TIMMDC1: variants seen among roughly 807,000 people sequenced by gnomAD.
TIMMDC1 encodes complex I assembly factor TIMMDC1, mitochondrial.
A neutral mutation model predicts 32.6 loss-of-function variants in TIMMDC1; 25 were observed. The observed-to-expected ratio is 0.77, with a 90% CI of 0.56 to 1.07. The LOEUF is 1.07. Among genes scored for constraint, TIMMDC1 ranks in the 50% least tolerant of loss-of-function variants. The pLI is 0.00. For synonymous variants in TIMMDC1, 130 were observed against 127.6 expected (o/e 1.02, Z -0.13); for missense variants, 329 against 349.2 (o/e 0.94, Z 0.46).
At chr3:119,522,050 C>CTG (rs1306280203) in intron 6 of TIMMDC1, among the ~76,000 whole-genome samples, 98 of 152,224 alleles carry the variant, frequency 6.4e-4, no homozygotes, top group Admixed American at 6.4e-3. Context: ...GCAATCTTCC[C>CTG]TACTAGGTAT....
chr3:119,501,384 G>C (rs1055608986), intron 2 of TIMMDC1, among the ~76,000 whole-genome samples: 2 of 152,006 alleles, frequency 1.3e-5, no homozygotes, highest in Non-Finnish European at 2.9e-5. Flanking sequence ...CCTTTCATCC[G>C]GATTCTCCAT....
chr3:119,514,607 AGTT>A, intron 5 of TIMMDC1, among the ~76,000 whole-genome samples: 1 of 152,350 alleles, frequency 6.6e-6, no homozygotes, highest in Non-Finnish European at 1.5e-5. Flanking sequence ...ACATAGGTGA[AGTT>A]GTATCCTCAT....
intron 3 of TIMMDC1, 38 bp downstream of exon 3, chr3:119,503,658 TG>T (rs1184516590): frequency 4.0e-6 from 6 of 1,516,086 alleles, no homozygotes; most frequent in Middle Eastern, 1.8e-4. Context: ...TGAATTTTCT[TG>T]ATATTGTTTT....
intron 5 of TIMMDC1, among the ~76,000 whole-genome samples, chr3:119,514,881 G>C (rs2081975191): frequency 1.3e-5 from 2 of 152,084 alleles, no homozygotes; most frequent in Admixed American, 1.3e-4. Flanking sequence ...AGCTCATTCA[G>C]GTTGTTGACA....
intron 1 of TIMMDC1, among the ~76,000 whole-genome samples, chr3:119,499,983 G>C (rs1553778780): frequency 6.6e-6 from 1 of 152,094 alleles, no homozygotes; most frequent in Non-Finnish European, 1.5e-5. Flanking sequence ...TTGCTATGTT[G>C]CTATGCTGGA....
intron 3 of TIMMDC1, 49 bp from the exon 4 acceptor site, chr3:119,503,905 T>G (rs1397301963): frequency 6.8e-7 from 1 of 1,475,606 alleles, no homozygotes; most frequent in Non-Finnish European, 9.4e-7. Context: ...AGAAGGTAAA[T>G]GGGATATGCT....
At position 119,498,931 on chromosome 3, in the gene TIMMDC1, A is replaced by G; in HGVS notation, c.194+4A>G. The stretch of plus-strand genomic sequence containing the variant: ...TCCGGGAGCTGTTTGGCAAAGAGTA[A>G]AAGTGCCTAGGGTGTGAAGTGGGGT... On this transcript the variant is annotated splice_donor_region_variant and intron_variant, in intron 1 of 6. Transcript: ENST00000494664. 2 of 1,613,952 alleles carry G rather than the reference A, an allele frequency of 1.2e-6. No individual in the cohort carries two copies. Among genetic ancestry groups the G allele is most frequent in the East Asian group, 2.2e-5 (1 of 44,866 alleles).
chr3:119,523,352 A>G lies in TIMMDC1; in HGVS notation c.708-254A>G, dbSNP rs78367922. Among the ~76,000 whole-genome samples the G allele has an allele frequency of 2.5e-3, 375 of 152,320 alleles. 2 individuals are homozygous for G. The highest frequency in any genetic ancestry group is 7.6e-3 in the African/African-American group (314 of 41,572). On this transcript the variant is annotated intron_variant, in intron 6 of 6. Coordinates refer to ENST00000494664, the MANE Select transcript of TIMMDC1 (RefSeq NM_016589.4). ...TCCTGTGAGAACTCTAGGACCCAGC[A>G]TACTAGGAATATCTTATGGATCAGA...
intron 4 of TIMMDC1, among the ~76,000 whole-genome samples, chr3:119,508,766 A>G (rs2081934648): frequency 6.6e-6 from 1 of 152,224 alleles, no homozygotes; most frequent in South Asian, 2.1e-4. Flanking sequence ...GCCTTATTAT[A>G]TGTGTAATAA....
chr3:119,513,725 C>T lies in TIMMDC1; in HGVS notation c.596+6C>T, dbSNP rs772939241. On this transcript the variant is annotated splice_donor_region_variant and intron_variant, in intron 5 of 6. Transcript: ENST00000494664. ...ATAATTGGAGCCTTGCTGGGGTAAGCATTAACATGGTTTGGTTCTAAATTG... is the reference window on the plus strand; with the variant it reads ...ATAATTGGAGCCTTGCTGGGGTAAGTATTAACATGGTTTGGTTCTAAATTG... 8.8e-6 allele frequency: 14 copies of T among 1,582,422 alleles called. No homozygotes were observed. Among genetic ancestry groups the T allele is most frequent in the Middle Eastern group, 1.7e-4 (1 of 5,900 alleles).
In TIMMDC1 at chr3:119,523,560, A is replaced by G. The variant is rs1479278719; in HGVS notation, c.708-46A>G. ...TTTTTGTTTTAAATCTGTAAGAACTAAAGAAATGGAGCAGTATTTGATTTA... is the reference window on the plus strand; with the variant it reads ...TTTTTGTTTTAAATCTGTAAGAACTGAAGAAATGGAGCAGTATTTGATTTA... On this transcript the variant is annotated intron_variant, in intron 6 of 6. Transcript: ENST00000494664. 4 of 1,498,142 alleles carry G rather than the reference A, an allele frequency of 2.7e-6. 1 individual carries two copies. In the South Asian group the frequency reaches 5.6e-5, roughly 21 times the overall value. 92.8% of individuals were successfully genotyped at this position (1,498,142 alleles called of 1,614,324 possible).
Position 119,502,616 on chromosome 3 carries a change from C to T in TIMMDC1, c.361-916C>T, listed in dbSNP as rs370855946. Among the ~76,000 whole-genome samples the T allele has an allele frequency of 2.1e-4, 32 of 151,920 alleles. No individual in the cohort carries two copies. The East Asian group carries it at 5.2e-3, about 25-fold the overall frequency. On this transcript the variant is annotated intron_variant, in intron 2 of 6. Coordinates refer to ENST00000494664, the MANE Select transcript of TIMMDC1 (RefSeq NM_016589.4). ...TGCCTCAGTGCAGGCTGGAGTGCAG[C>T]GGCGCGATCATAGCTCACCACAACC...
intron 2 of TIMMDC1, among the ~76,000 whole-genome samples, chr3:119,502,367 C>T (rs113432131): frequency 3.3e-5 from 5 of 151,784 alleles, no homozygotes; most frequent in Admixed American, 2.0e-4. Flanking sequence ...GTAGCTGGGA[C>T]TATAGGCATG....
chr3:119,517,337 G>A (rs781204523), intron 6 of TIMMDC1, 22 bp downstream of exon 6: 21 of 1,532,508 alleles, frequency 1.4e-5, no homozygotes, highest in Non-Finnish European at 1.9e-5. Context: ...GTTGAGCCCA[G>A]GGAATCTTGG....
chr3:119,498,627 G>A lies in TIMMDC1; in HGVS notation c.-107G>A, dbSNP rs1005193237. On this transcript the variant is annotated 5_prime_UTR_variant, in exon 1 of 7. Transcript: ENST00000494664. ...GCCCTCTGGCAGAGGGTTAACCTGG[G>A]TCAAATGCACGGATTCTCACCTCGT... 16 of 1,158,104 alleles carry A rather than the reference G, an allele frequency of 1.4e-5. No homozygotes were observed. The East Asian group carries it at 2.3e-4, about 17-fold the overall frequency. The allele number at this position is 1,158,104 out of a possible 1,614,324, so 71.7% of individuals were successfully genotyped here.
intron 4 of TIMMDC1, among the ~76,000 whole-genome samples, chr3:119,512,104 C>T (rs1474291787): frequency 6.6e-6 from 1 of 152,152 alleles, no homozygotes; most frequent in East Asian, 1.9e-4. Context: ...GGATTATCAT[C>T]ATACCTTTAT....
chr3:119,499,821 C>G (rs2081856317), intron 1 of TIMMDC1, among the ~76,000 whole-genome samples: 1 of 152,198 alleles, frequency 6.6e-6, no homozygotes, highest in African/African-American at 2.4e-5. Flanking sequence ...ATTAGCAGTT[C>G]TAGCTTCTTA....
At position 119,500,739 on chromosome 3, in the gene TIMMDC1, C is replaced by G. The variant is rs113067251; in HGVS notation, c.239C>G (p.Thr80Arg). 1.2e-5 allele frequency: 20 copies of G among 1,613,864 alleles called. No homozygotes were observed. The highest frequency in any genetic ancestry group is 1.7e-5 in the Non-Finnish European group (20 of 1,179,964). ...AAGGACCTTGCTAATATCTGTAAGACGGCAGCTACAGCAGGCATCATTGGC... is the reference window on the plus strand; with the variant it reads ...AAGGACCTTGCTAATATCTGTAAGAGGGCAGCTACAGCAGGCATCATTGGC... ...ISKDLANICK[T>R]AATAGIIGWV... The change falls in exon 2 of 7, where the codon ACG becomes AGG. Residue 80 changes from threonine to arginine, a missense_variant. Coordinates refer to ENST00000494664, the MANE Select transcript of TIMMDC1 (RefSeq NM_016589.4).
chr3:119,509,613 G>C (rs967802061), intron 4 of TIMMDC1, among the ~76,000 whole-genome samples: 1 of 152,092 alleles, frequency 6.6e-6, no homozygotes, highest in African/African-American at 2.4e-5. Flanking sequence ...AAATGGGCGT[G>C]GGGGATCTTT....
Sources: gnomAD v4.1 joint callset for allele counts (sites outside exome capture counted in the v4.1 genomes callset) on GRCh38, gnomAD v4.1.1 for gene constraint, MANE v1.5 for transcripts, NCBI Gene and HGNC (gene_info 2026-07-23, HGNC 2026-07-21) for gene names.